The following TXLNG variants were observed in gnomAD, a reference collection of about 807,000 sequenced individuals.
TXLNG encodes taxilin gamma.
In TXLNG, 5 loss-of-function variants were observed where a neutral mutation model predicts 38.8. The observed-to-expected ratio is 0.13, with a 90% CI of 0.07 to 0.27. The LOEUF (loss-of-function observed/expected upper bound fraction) is 0.27. Ranked by LOEUF, TXLNG falls within the 10% of genes least tolerant of loss-of-function variation. The pLI, the probability that TXLNG is intolerant of heterozygous loss-of-function variation, is 1.00. For synonymous variants in TXLNG, 182 were observed against 158.2 expected (o/e 1.15, Z -1.13); for missense variants, 393 against 398.2 (o/e 0.99, Z 0.11).
At chrX:16,841,120 A>G (rs1007113003) in intron 9 of TXLNG, among the ~76,000 whole-genome samples, 11 of 108,650 alleles carry the variant, frequency 1.0e-4, no homozygotes, top group Non-Finnish European at 1.1e-4. Flanking sequence ...ACCTCAACCC[A>G]GGAGGCAGAG....
intron 1 of TXLNG, among the ~76,000 whole-genome samples, chrX:16,804,971 A>ACCCCCCCCCCC (rs755782507): frequency 5.9e-4 from 1 of 1,683 alleles, no homozygotes; most frequent in Non-Finnish European, 8.9e-4. Context: ...ACCACTGCCC[A>ACCCCCCCCCCC]CCCCCCCCCC....
At chrX:16,828,787 A>G (rs1449711789) in intron 4 of TXLNG, among the ~76,000 whole-genome samples, 1 of 112,173 alleles carries the variant, frequency 8.9e-6, no homozygotes. Context: ...GTATCCAAAG[A>G]TTCATTGATA....
In TXLNG at chrX:16,841,946, A is replaced by G. The variant is rs777837916; in HGVS notation, c.*180A>G. 54 of 496,425 alleles carry G rather than the reference A, an allele frequency of 1.1e-4. No individual in the cohort carries two copies. The highest frequency in any genetic ancestry group is 1.5e-4 in the Non-Finnish European group (47 of 306,684). The allele number at this position is 496,425 out of a possible 1,213,427, so 40.9% of individuals were successfully genotyped here. A position where few individuals can be genotyped will look rare whatever the true frequency, so the allele number is the denominator to read the frequency against. ...TTAGCAGTTTTGAATAGTTTAATCTATAAATTTTCCTCAGCTGTGTTGCAC... is the reference window on the plus strand; with the variant it reads ...TTAGCAGTTTTGAATAGTTTAATCTGTAAATTTTCCTCAGCTGTGTTGCAC... On this transcript the variant is annotated 3_prime_UTR_variant, in exon 10 of 10. Transcript: ENST00000380122.
At chrX:16,837,567 A>ATT in intron 7 of TXLNG, 26 bp from the exon 8 acceptor site, 1 of 1,108,541 alleles carries the variant, frequency 9.0e-7, no homozygotes, top group Non-Finnish European at 1.2e-6. Flanking sequence ...TGGAACTCAG[A>ATT]ATGTTTCATA....
At chrX:16,812,937 G>T (rs142551055) in intron 1 of TXLNG, among the ~76,000 whole-genome samples, 68 of 109,086 alleles carry the variant, frequency 6.2e-4, no homozygotes, top group Non-Finnish European at 1.0e-3. Flanking sequence ...CTGACCTCAG[G>T]TGATCTGCCC....
intron 1 of TXLNG, among the ~76,000 whole-genome samples, chrX:16,807,334 C>T (rs1260678158): frequency 9.0e-6 from 1 of 111,665 alleles, no homozygotes; most frequent in African/African-American, 3.3e-5. Context: ...TTTGTAACTG[C>T]GTCAGAGATC....
Position 16,839,817 on chromosome X carries a change from A to C in TXLNG, c.1153-4A>C. 8.6e-7 allele frequency: 1 copy of C among 1,168,001 alleles called. No homozygotes were observed. Among genetic ancestry groups the C allele is most frequent in the Non-Finnish European group, 1.2e-6 (1 of 861,381 alleles). Reference sequence around the variant, plus strand: ...AGAATTTAAATGTGCAATTGTATTCACAGATGACAAAGAAAATTAAAAAAC... The same window carrying C: ...AGAATTTAAATGTGCAATTGTATTCCCAGATGACAAAGAAAATTAAAAAAC... On this transcript the variant is annotated splice_region_variant and splice_polypyrimidine_tract_variant and intron_variant, in intron 8 of 9. Coordinates refer to ENST00000380122, the MANE Select transcript of TXLNG (RefSeq NM_018360.3).
At chrX:16,808,737 T>G in intron 1 of TXLNG, among the ~76,000 whole-genome samples, 1 of 111,884 alleles carries the variant, frequency 8.9e-6, no homozygotes, top group Non-Finnish European at 1.9e-5. Context: ...AACAGTATGG[T>G]ACTCAATTGG....
At chrX:16,809,689 G>A (rs1187785692) in intron 1 of TXLNG, among the ~76,000 whole-genome samples, 2 of 111,101 alleles carry the variant, frequency 1.8e-5, no homozygotes, top group Non-Finnish European at 3.8e-5. Context: ...CTCTGTGTGT[G>A]TATGTACATA....
chrX:16,816,927 A>T (rs909284099), intron 1 of TXLNG, among the ~76,000 whole-genome samples: 5 of 112,187 alleles, frequency 4.5e-5, no homozygotes, highest in African/African-American at 1.6e-4. Context: ...CCTCATCTAG[A>T]CCAAGAAATA....
At chrX:16,805,008 G>T (rs1389006523) in intron 1 of TXLNG, among the ~76,000 whole-genome samples, 1 of 17,446 alleles carries the variant, frequency 5.7e-5, no homozygotes, top group Admixed American at 6.6e-4. Flanking sequence ...TTTTTTTTTT[G>T]AGAGACAGAG....
chrX:16,799,096 C>T (rs1237291393), intron 1 of TXLNG, among the ~76,000 whole-genome samples: 1 of 110,528 alleles, frequency 9.0e-6, no homozygotes, highest in Admixed American at 9.7e-5. Flanking sequence ...TCAGGGTGGT[C>T]TTGAACTCCC....
chrX:16,804,897 G>A (rs752396154), intron 1 of TXLNG, among the ~76,000 whole-genome samples: 95 of 96,295 alleles, frequency 9.9e-4, no homozygotes, highest in African/African-American at 3.4e-3. Flanking sequence ...CTCACTGTCC[G>A]TTGTCCCTCC....
chrX:16,829,881 A>G (rs1929322075), intron 5 of TXLNG, 111 bp downstream of exon 5: 3 of 700,799 alleles, frequency 4.3e-6, no homozygotes, highest in Non-Finnish European at 6.3e-6. Flanking sequence ...GCATATGCAT[A>G]GTGGCAGTCG....
intron 1 of TXLNG, among the ~76,000 whole-genome samples, chrX:16,809,342 G>GTTT (rs1363656300): frequency 1.7e-5 from 1 of 59,063 alleles, no homozygotes; most frequent in African/African-American, 5.8e-5. Flanking sequence ...ATATCTTATA[G>GTTT]TTGTTTTTTT....
At position 16,834,339 on chromosome X, in the gene TXLNG, A is replaced by C; in HGVS notation, c.1041A>C (p.Glu347Asp). 8.3e-7 allele frequency: 1 copy of C among 1,209,321 alleles called. No homozygotes were observed. The highest frequency in any genetic ancestry group is 3.0e-5 in the East Asian group (1 of 33,810). Residue 347 changes from glutamate (E) to aspartate (D), a missense_variant, in exon 7 of 10, where the codon GAA becomes GAC. Glu to Asp is a conservative substitution (Grantham distance 45, BLOSUM62 2). Transcript: ENST00000380122. ...RHKYEQMKQQEVQLKQQLSLY... is the reference protein window; with the variant it reads ...RHKYEQMKQQDVQLKQQLSLY... Reference sequence around the variant, plus strand: ...AATACGAACAAATGAAACAGCAAGAAGTACAACTAAAACAGCAGGTAACTT... The same window carrying C: ...AATACGAACAAATGAAACAGCAAGACGTACAACTAAAACAGCAGGTAACTT...
At chrX:16,834,474 C>G in intron 7 of TXLNG, 117 bp downstream of exon 7, 4 of 510,799 alleles carry the variant, frequency 7.8e-6, no homozygotes, top group Non-Finnish European at 1.2e-5. Context: ...CCAGCCAGAG[C>G]TGACCAGGAC....
At chrX:16,838,550 T>C (rs1247915907) in intron 8 of TXLNG, among the ~76,000 whole-genome samples, 1 of 112,189 alleles carries the variant, frequency 8.9e-6, no homozygotes, top group Non-Finnish European at 1.9e-5. Flanking sequence ...CTTCATGAAA[T>C]AGAGTATTTC....
intron 1 of TXLNG, among the ~76,000 whole-genome samples, chrX:16,789,979 G>A (rs938741784): frequency 1.8e-5 from 2 of 110,035 alleles, no homozygotes; most frequent in African/African-American, 6.6e-5. Flanking sequence ...TGTATTTTTA[G>A]TAGAGACGGG....
Sources: allele counts gnomAD v4.1 joint callset (sites outside exome capture counted in the v4.1 genomes callset), GRCh38; gene constraint gnomAD v4.1.1; transcripts MANE v1.5; gene names NCBI Gene and HGNC (gene_info 2026-07-23, HGNC 2026-07-21).